The following FHOD3 variants were observed in gnomAD, a reference collection of about 807,000 sequenced individuals.
FHOD3 encodes the protein formin homology 2 domain containing 3.
A neutral mutation model predicts 173.0 loss-of-function variants in FHOD3; 90 were observed. That is an observed-to-expected ratio of 0.52 (90% CI 0.44 to 0.62). The LOEUF (loss-of-function observed/expected upper bound fraction) is 0.62. FHOD3 is among the 20% of genes least tolerant of loss of function. The pLI is 0.00. For synonymous variants in FHOD3, 828 were observed against 823.0 expected (o/e 1.01, Z -0.10); for missense variants, 1,945 against 2,034.7 (o/e 0.96, Z 0.85).
intron 25 of FHOD3, among the ~76,000 whole-genome samples, chr18:36,755,714 A>C (rs1365973913): frequency 6.6e-6 from 1 of 152,232 alleles, no homozygotes; most frequent in Non-Finnish European, 1.5e-5. Flanking sequence ...GCATTGATTC[A>C]GAATTTTAAT....
chr18:36,429,017 AT>A (rs755214944), intron 3 of FHOD3, among the ~76,000 whole-genome samples: 1 of 152,318 alleles, frequency 6.6e-6, no homozygotes, highest in Non-Finnish European at 1.5e-5. Flanking sequence ...CACTGTCGTC[AT>A]TGCTTGGAGT....
intron 3 of FHOD3, among the ~76,000 whole-genome samples, chr18:36,389,960 G>A (rs1211392695): frequency 6.6e-6 from 1 of 152,120 alleles, no homozygotes; most frequent in Non-Finnish European, 1.5e-5. Flanking sequence ...CCTTCAGGCT[G>A]CAGATGCAAG....
At chr18:36,666,879 A>G (rs1039127855) in intron 14 of FHOD3, among the ~76,000 whole-genome samples, 1 of 152,114 alleles carries the variant, frequency 6.6e-6, no homozygotes, top group Non-Finnish European at 1.5e-5. Context: ...CATATCCATC[A>G]CCCCAAAAAT....
chr18:36,597,661 C>T (rs952755361), intron 7 of FHOD3, among the ~76,000 whole-genome samples: 4 of 152,172 alleles, frequency 2.6e-5, no homozygotes, highest in Non-Finnish European at 5.9e-5. Context: ...CTCCTGACCT[C>T]GTGATCCACC....
intron 5 of FHOD3, among the ~76,000 whole-genome samples, chr18:36,528,788 T>C (rs1351410609): frequency 6.6e-6 from 1 of 152,258 alleles, no homozygotes; most frequent in Non-Finnish European, 1.5e-5. Context: ...TTTTGAGTGC[T>C]GAACGACGTT....
intron 21 of FHOD3, among the ~76,000 whole-genome samples, chr18:36,742,127 A>C (rs768294980): frequency 1.3e-5 from 2 of 152,138 alleles, no homozygotes; most frequent in Non-Finnish European, 2.9e-5. Context: ...AGCCTCAGTC[A>C]AGACAAAGGA....
At chr18:36,461,409 A>G (rs1281777621) in intron 3 of FHOD3, among the ~76,000 whole-genome samples, 1 of 151,416 alleles carries the variant, frequency 6.6e-6, no homozygotes, top group Non-Finnish European at 1.5e-5. Context: ...CTATCTGTGA[A>G]GGTTAGGGGA....
At chr18:36,745,782 T>C in intron 23 of FHOD3, among the ~76,000 whole-genome samples, 1 of 70,756 alleles carries the variant, frequency 1.4e-5, no homozygotes, top group South Asian at 5.5e-4. Flanking sequence ...CTGCCACTCA[T>C]CCCCCCACCT....
intron 1 of FHOD3, among the ~76,000 whole-genome samples, chr18:36,337,986 G>T (rs1052021428): frequency 1.3e-5 from 2 of 152,180 alleles, no homozygotes; most frequent in Non-Finnish European, 2.9e-5. Context: ...AGAGGTGTTT[G>T]GTTGAGGGGT....
rs192657994 is a variant in FHOD3 at position 36,660,498 on chromosome 18, G to A, written c.1835+2310G>A. 1.4e-3 allele frequency among the ~76,000 whole-genome samples: 206 copies of A among 152,346 alleles called. 2 individuals carry two copies. The South Asian group carries it at 0.018, about 13-fold the overall frequency. On this transcript the variant is annotated intron_variant, in intron 14 of 28. Transcript: ENST00000590592. ...GTGTCAGAGTCCAAGAGAGATGACCGTGCCCAACATGGCACTGGCTGTGGG... is the reference window on the plus strand; with the variant it reads ...GTGTCAGAGTCCAAGAGAGATGACCATGCCCAACATGGCACTGGCTGTGGG...
intron 18 of FHOD3, among the ~76,000 whole-genome samples, chr18:36,716,614 C>A (rs1406535189): frequency 6.6e-6 from 1 of 152,114 alleles, no homozygotes; most frequent in Non-Finnish European, 1.5e-5. Context: ...GAAGCAGCAA[C>A]GGAGACTGAG....
chr18:36,525,528 C>T (rs2146693084), intron 5 of FHOD3, among the ~76,000 whole-genome samples: 1 of 152,272 alleles, frequency 6.6e-6, no homozygotes, highest in East Asian at 1.9e-4. Flanking sequence ...TTTAAGCTGC[C>T]AAGCAATTTG....
intron 17 of FHOD3, among the ~76,000 whole-genome samples, chr18:36,701,997 T>C (rs2039617717): frequency 6.6e-6 from 1 of 152,230 alleles, no homozygotes; most frequent in Non-Finnish European, 1.5e-5. Context: ...TTTTAAGGCA[T>C]AAAAATTAGG....
chr18:36,497,035 T>C (rs2054781734), intron 3 of FHOD3, among the ~76,000 whole-genome samples: 1 of 152,212 alleles, frequency 6.6e-6, no homozygotes, highest in Non-Finnish European at 1.5e-5. Flanking sequence ...AAACTTACAT[T>C]AACATTTGTG....
intron 3 of FHOD3, among the ~76,000 whole-genome samples, chr18:36,487,185 A>T (rs1479661119): frequency 6.6e-6 from 1 of 152,180 alleles, no homozygotes; most frequent in East Asian, 1.9e-4. Flanking sequence ...TGCTGGGTTG[A>T]ACAGTAGGTG....
At chr18:36,622,994 A>T (rs1333580892) in intron 9 of FHOD3, among the ~76,000 whole-genome samples, 1 of 152,212 alleles carries the variant, frequency 6.6e-6, no homozygotes, top group Non-Finnish European at 1.5e-5. Context: ...GTCTACCAAG[A>T]TTCTGTGGCC....
intron 14 of FHOD3, among the ~76,000 whole-genome samples, chr18:36,676,656 A>G (rs1340560665): frequency 6.6e-6 from 1 of 152,192 alleles, no homozygotes; most frequent in Non-Finnish European, 1.5e-5. Flanking sequence ...TGTATGAGTT[A>G]TTCTGTGCCA....
intron 23 of FHOD3, among the ~76,000 whole-genome samples, chr18:36,745,804 T>C (rs1462025246): frequency 1.1e-5 from 1 of 91,368 alleles, no homozygotes; most frequent in Non-Finnish European, 2.2e-5. Flanking sequence ...CACCCTCCGC[T>C]CACTTCCTGC....
chr18:36,597,297 G>A (rs1366597353), intron 7 of FHOD3, among the ~76,000 whole-genome samples: 4 of 152,166 alleles, frequency 2.6e-5, no homozygotes, highest in East Asian at 1.9e-4. Flanking sequence ...AGAGATTCTC[G>A]TCTGTCAGAC....
Sources: gnomAD v4.1 joint callset for allele counts (sites outside exome capture counted in the v4.1 genomes callset) on GRCh38, gnomAD v4.1.1 for gene constraint, MANE v1.5 for transcripts, NCBI Gene and HGNC (gene_info 2026-07-23, HGNC 2026-07-21) for gene names.